The following MZT2B variants were observed in gnomAD, a reference collection of about 807,000 sequenced individuals.
MZT2B encodes mitotic spindle organizing protein 2B.
A neutral mutation model predicts 12.1 loss-of-function variants in MZT2B; 11 were observed. The ratio of observed to expected loss-of-function variants is 0.91; its 90% CI spans 0.57 to 1.50. The LOEUF is 1.50. MZT2B is among the 40% of genes most tolerant of loss of function. The pLI is 0.00. For synonymous variants in MZT2B, 85 were observed against 109.5 expected (o/e 0.78, Z 1.40); for missense variants, 209 against 227.7 (o/e 0.92, Z 0.53).
At chr2:130,189,084 A>G (rs1171912860) in intron 2 of MZT2B, among the ~76,000 whole-genome samples, 1 of 152,102 alleles carries the variant, frequency 6.6e-6, no homozygotes, top group Non-Finnish European at 1.5e-5. Flanking sequence ...CCAGGATGAG[A>G]GCCAGTTGGG....
rs1689730131 is a variant in MZT2B, at chr2:130,182,274, G to T, written c.-9G>T. 1 of 1,309,246 alleles carries T rather than the reference G, an allele frequency of 7.6e-7. No homozygotes were observed. Among genetic ancestry groups the T allele is most frequent in the Admixed American group, 4.2e-5 (1 of 23,994 alleles). 81.1% of individuals were successfully genotyped at this position (1,309,246 alleles called of 1,614,324 possible). A position where few individuals can be genotyped will look rare whatever the true frequency, so the allele number is the denominator to read the frequency against. On this transcript the variant is annotated 5_prime_UTR_variant, in exon 1 of 3. Transcript: ENST00000281871. Reference sequence around the variant, plus strand: ...CGGGGCGGAGCGCACCTTTCCGCGGGCCGCGGGGATGGCGGCGCAGGGCGT... The same window carrying T: ...CGGGGCGGAGCGCACCTTTCCGCGGTCCGCGGGGATGGCGGCGCAGGGCGT...
chr2:130,193,920 G>A (rs374949875), downstream of MZT2B: 9 of 1,614,224 alleles, frequency 5.6e-6, no homozygotes, highest in African/African-American at 1.3e-5. Context: ...TTGCCATGGC[G>A]AGGGTCACAC....
At chr2:130,182,533 G>T (rs1404099793) in intron 1 of MZT2B, 81 bp downstream of exon 1, 2 of 1,550,542 alleles carry the variant, frequency 1.3e-6, no homozygotes, top group African/African-American at 1.4e-5. Flanking sequence ...CCCGCTGGTC[G>T]GGAGGAGCCC....
intron 2 of MZT2B, among the ~76,000 whole-genome samples, chr2:130,187,781 A>G (rs1466472063): frequency 6.6e-6 from 1 of 152,188 alleles, no homozygotes; most frequent in African/African-American, 2.4e-5. Context: ...TAACCCTGAG[A>G]GCGCACAATT....
intron 2 of MZT2B, among the ~76,000 whole-genome samples, chr2:130,187,225 C>A (rs989558071): frequency 1.3e-5 from 2 of 152,020 alleles, no homozygotes; most frequent in African/African-American, 4.8e-5. Flanking sequence ...CAGTCTTGTT[C>A]TGTCACCCAG....
the MZT2B span, among the ~76,000 whole-genome samples, chr2:130,204,720 A>T: frequency 6.8e-6 from 1 of 147,448 alleles, no homozygotes; most frequent in Non-Finnish European, 1.5e-5. Flanking sequence ...GGTGGGGAGG[A>T]AGCTATTTAG....
the MZT2B span, among the ~76,000 whole-genome samples, chr2:130,197,978 T>C: frequency 8.1e-6 from 1 of 123,048 alleles, no homozygotes; most frequent in African/African-American, 2.9e-5. Flanking sequence ...ATCTGACCAA[T>C]GTCCACAGCC....
At position 130,182,396 on chromosome 2, in the gene MZT2B, GGAGCTGTAC is replaced by G. The variant is rs1479189935; in HGVS notation, c.121_129del (p.Tyr41_Leu43del). ...AGAAGGTGCTGAGCACCGAGGAGATGGAGCTGTACGAGCTGGCGCAGGCGGCGGGCGGCG... is the reference window on the plus strand; with the variant it reads ...AGAAGGTGCTGAGCACCGAGGAGATGGAGCTGGCGCAGGCGGCGGGCGGCG... On this transcript the variant is annotated inframe_deletion, in exon 1 of 3. Transcript: ENST00000281871. 1 of 1,562,764 alleles carries G rather than the reference GGAGCTGTAC, an allele frequency of 6.4e-7. No individual in the cohort carries two copies. Among genetic ancestry groups the G allele is most frequent in the South Asian group, 1.2e-5 (1 of 85,358 alleles).
chr2:130,181,937 A>G (rs1453291766), upstream of MZT2B: 211 of 1,451,458 alleles, frequency 1.5e-4, no homozygotes, highest in Non-Finnish European at 1.9e-4. Context: ...CTTTCTTGAA[A>G]GAGGCATTTA....
chr2:130,181,966 C>G, upstream of MZT2B: 1 of 1,400,832 alleles, frequency 7.1e-7, no homozygotes, highest in South Asian at 1.4e-5. Context: ...CCAATGTATG[C>G]CTGGCACTGG....
At chr2:130,198,110 G>A in the MZT2B span, among the ~76,000 whole-genome samples, 4 of 122,748 alleles carry the variant, frequency 3.3e-5, 1 homozygote, top group South Asian at 1.1e-3. Flanking sequence ...GCTCTCTGGG[G>A]GACGGGATAC....
At chr2:130,184,113 G>T (rs1214987107) in intron 2 of MZT2B, 17 of 1,529,444 alleles carry the variant, frequency 1.1e-5, no homozygotes, top group Middle Eastern at 1.8e-4. Flanking sequence ...CACAGGGCAC[G>T]ATTTCTGACT....
chr2:130,197,637 G>T, the MZT2B span, among the ~76,000 whole-genome samples: 3 of 127,648 alleles, frequency 2.4e-5, no homozygotes, highest in African/African-American at 8.0e-5. Flanking sequence ...TTGAGGCAGG[G>T]TCTCTGTGGC....
the MZT2B span, among the ~76,000 whole-genome samples, chr2:130,200,315 C>T: frequency 0.021 from 3,253 of 151,470 alleles, 84 homozygotes; most frequent in African/African-American, 0.067. Flanking sequence ...GGCATGAACC[C>T]GGGAGGTGGA....
downstream of MZT2B, among the ~76,000 whole-genome samples, chr2:130,195,522 C>T (rs1234602100): frequency 1.3e-5 from 2 of 152,244 alleles, no homozygotes; most frequent in Non-Finnish European, 2.9e-5. Flanking sequence ...ATAATTCTTT[C>T]CTACGTGTAG....
At chr2:130,194,111 A>G (rs1341594624), downstream of MZT2B, 1 of 1,614,074 alleles carries the variant, frequency 6.2e-7, no homozygotes, top group African/African-American at 1.3e-5. Flanking sequence ...GGCCCCATCA[A>G]ATCGCAGGGA....
At chr2:130,198,630 G>A in the MZT2B span, among the ~76,000 whole-genome samples, 4 of 123,876 alleles carry the variant, frequency 3.2e-5, 2 homozygotes, top group Admixed American at 3.6e-4. Flanking sequence ...AGGCTGCGCG[G>A]TTGCTGAGGC....
the MZT2B span, chr2:130,202,523 C>CTTGGGA: frequency 8.3e-7 from 1 of 1,201,212 alleles, no homozygotes; most frequent in Non-Finnish European, 1.1e-6. Flanking sequence ...TGTTTACAGA[C>CTTGGGA]CTCCTTGGGA....
chr2:130,194,038 G>A, downstream of MZT2B: 2 of 1,614,226 alleles, frequency 1.2e-6, no homozygotes, highest in Middle Eastern at 1.6e-4. Context: ...AGGTGGCCAG[G>A]GGGAAGTGGA....
Sources: gnomAD v4.1 joint callset for allele counts (sites outside exome capture counted in the v4.1 genomes callset) on GRCh38, gnomAD v4.1.1 for gene constraint, MANE v1.5 for transcripts, NCBI Gene and HGNC (gene_info 2026-07-23, HGNC 2026-07-21) for gene names.